The following ARHGEF12 variants were observed in gnomAD, a reference collection of about 807,000 sequenced individuals.
ARHGEF12 encodes KMT2A/ARHGEF12 fusion protein.
In ARHGEF12, 66 loss-of-function variants were observed where a neutral mutation model predicts 211.2. The observed-to-expected ratio is 0.31, with a 90% CI of 0.26 to 0.38. The LOEUF is 0.38. Ranked by LOEUF, ARHGEF12 falls within the 10% of genes least tolerant of loss-of-function variation. The pLI is 1.00. For missense variants in ARHGEF12, 1,429 were observed against 1,869.5 expected, an observed-to-expected ratio of 0.76 and a Z score of 4.34; for synonymous variants, 592 against 638.4, an observed-to-expected ratio of 0.93 and a Z score of 1.09.
At chr11:120,420,426 T>G (rs1043932250) in intron 4 of ARHGEF12, among the ~76,000 whole-genome samples, 1 of 152,220 alleles carries the variant, frequency 6.6e-6, no homozygotes, top group Non-Finnish European at 1.5e-5. Flanking sequence ...ATTTTTTTAC[T>G]ACAGAGAAAT....
chr11:120,392,728 G>T (rs1040141298), intron 1 of ARHGEF12, among the ~76,000 whole-genome samples: 1 of 152,152 alleles, frequency 6.6e-6, no homozygotes, highest in Non-Finnish European at 1.5e-5. Context: ...AGATGAATGC[G>T]AAGTAGCTGT....
rs1021789466 is a variant in ARHGEF12 at position 120,410,618 on chromosome 11, T to TA, written c.199+1169dup. ...GCCCATATCAGATACTTTTTAGTAT[T>TA]ATGAAAGCTCAGTGTTTGGTTCTAA... On this transcript the variant is annotated intron_variant, in intron 4 of 40. Transcript: ENST00000397843. 9.2e-5 allele frequency: 14 copies of TA among 152,314 alleles called. No individual in the cohort carries two copies. In the East Asian group the frequency reaches 2.5e-3, roughly 27 times the overall value. 9.4% of individuals were successfully genotyped at this position (152,314 alleles called of 1,614,324 possible). A position where few individuals can be genotyped will look rare whatever the true frequency, so the allele number is the denominator to read the frequency against.
In ARHGEF12 at chr11:120,437,294, G is replaced by GT. The variant is rs765795751; in HGVS notation, c.925-7dup. 1,191 of 1,586,642 alleles carry GT rather than the reference G, an allele frequency of 7.5e-4. 2 individuals carry two copies. The highest frequency in any genetic ancestry group is 9.9e-4 in the Non-Finnish European group (1,151 of 1,165,860). Reference sequence around the variant, plus strand: ...CCTATTGAAATGAACTGAAGATCTTGTTTTTTTCATTAGAGTCCCAAGAGT... The same window carrying GT: ...CCTATTGAAATGAACTGAAGATCTTGTTTTTTTTCATTAGAGTCCCAAGAGT... On this transcript the variant is annotated splice_polypyrimidine_tract_variant and intron_variant, in intron 11 of 40. Coordinates refer to ENST00000397843, the MANE Select transcript of ARHGEF12 (RefSeq NM_015313.3).
intron 1 of ARHGEF12, among the ~76,000 whole-genome samples, chr11:120,365,295 C>A (rs951033642): frequency 1.3e-5 from 2 of 151,872 alleles, no homozygotes; most frequent in African/African-American, 2.4e-5. Context: ...GGTAACTGTG[C>A]TGGTAAGCTG....
intron 27 of ARHGEF12, chr11:120,462,559 G>T (rs934925913): frequency 1.3e-5 from 2 of 152,136 alleles, no homozygotes; most frequent in Non-Finnish European, 2.9e-5. Flanking sequence ...GTAAAAAATG[G>T]AGTATCTGCA....
intron 1 of ARHGEF12, among the ~76,000 whole-genome samples, chr11:120,378,479 A>C (rs1943791910): frequency 2.6e-5 from 4 of 152,112 alleles, no homozygotes; most frequent in Admixed American, 2.0e-4. Context: ...TAAGTTATTA[A>C]TTTTGATGAA....
chr11:120,459,149 C>A, intron 25 of ARHGEF12, 25 bp from the exon 26 acceptor site: 2 of 1,567,854 alleles, frequency 1.3e-6, no homozygotes, highest in Non-Finnish European at 1.7e-6. Context: ...AGTAAGGCAA[C>A]ATTTCATATC....
intron 7 of ARHGEF12, among the ~76,000 whole-genome samples, chr11:120,425,532 C>T (rs1945318187): frequency 6.6e-6 from 1 of 151,540 alleles, no homozygotes; most frequent in Non-Finnish European, 1.5e-5. Flanking sequence ...TGTCAAACTC[C>T]TGGGCTCACC....
chr11:120,337,347 A>G, intron 1 of ARHGEF12, 72 bp downstream of exon 1: 1 of 1,608,752 alleles, frequency 6.2e-7, no homozygotes, highest in Non-Finnish European at 8.5e-7. Context: ...CGGTGATTGC[A>G]GATTGCCTTT....
chr11:120,467,813 G>T (rs989323064), intron 29 of ARHGEF12, among the ~76,000 whole-genome samples: 6 of 151,988 alleles, frequency 3.9e-5, no homozygotes, highest in Non-Finnish European at 7.4e-5. Flanking sequence ...TTTAGTACGG[G>T]GTATATCAAA....
intron 36 of ARHGEF12, among the ~76,000 whole-genome samples, chr11:120,477,799 G>A (rs755827480): frequency 2.7e-5 from 4 of 150,834 alleles, no homozygotes; most frequent in Non-Finnish European, 5.9e-5. Context: ...CCCAGGAGGC[G>A]GAGGTTACGG....
chr11:120,419,465 G>GT (rs11432748), intron 4 of ARHGEF12, among the ~76,000 whole-genome samples: 63,157 of 149,986 alleles, frequency 0.42, 13,453 homozygotes, highest in African/African-American at 0.48. Flanking sequence ...ATTTCCTTTT[G>GT]TGTTATCTTA....
intron 1 of ARHGEF12, among the ~76,000 whole-genome samples, chr11:120,370,434 A>C (rs954137381): frequency 6.6e-6 from 1 of 152,080 alleles, no homozygotes; most frequent in Non-Finnish European, 1.5e-5. Flanking sequence ...TCTTCTTCAA[A>C]ATTTTCATCG....
intron 25 of ARHGEF12, 72 bp downstream of exon 25, chr11:120,458,306 C>G (rs373815193): frequency 6.4e-7 from 1 of 1,565,788 alleles, no homozygotes; most frequent in Non-Finnish European, 8.7e-7. Context: ...GTCTCTCAGC[C>G]TTGGAGTTTG....
chr11:120,405,793 A>G (rs114220168), intron 1 of ARHGEF12: 2,103 of 200,100 alleles, frequency 0.011, 53 homozygotes, highest in African/African-American at 0.046. Context: ...ATTAAACGAG[A>G]TAATACATGT....
rs192322114 is a variant in ARHGEF12 at position 120,480,850 on chromosome 11, G to A, written c.4238-410G>A. 7.9e-5 allele frequency among the ~76,000 whole-genome samples: 12 copies of A among 152,276 alleles called. 1 individual carries two copies. The highest frequency in any genetic ancestry group is 4.1e-4 in the South Asian group (2 of 4,826). ...CTCAATGAAATGAGGGAATAAAGCCGGGTGGGTACCTGGGAGCTTACTATT... is the reference window on the plus strand; with the variant it reads ...CTCAATGAAATGAGGGAATAAAGCCAGGTGGGTACCTGGGAGCTTACTATT... On this transcript the variant is annotated intron_variant, in intron 38 of 40. Coordinates refer to ENST00000397843, the MANE Select transcript of ARHGEF12 (RefSeq NM_015313.3).
chr11:120,467,991 T>C (rs1202508392), intron 29 of ARHGEF12, among the ~76,000 whole-genome samples: 2 of 152,216 alleles, frequency 1.3e-5, no homozygotes, highest in African/African-American at 4.8e-5. Flanking sequence ...AGTGTAAAAT[T>C]ATCTGGTTCA....
chr11:120,374,376 ATTTTTATTTAAGCACCT>A (rs1943668925), intron 1 of ARHGEF12, among the ~76,000 whole-genome samples: 1 of 152,176 alleles, frequency 6.6e-6, no homozygotes, highest in African/African-American at 2.4e-5. Context: ...ACGTTCATTC[ATTTTTATTTAAGCACCT>A]ATAAAAAGTA....
chr11:120,405,015 A>T (rs1352605996), intron 1 of ARHGEF12, among the ~76,000 whole-genome samples: 1 of 152,120 alleles, frequency 6.6e-6, no homozygotes, highest in Non-Finnish European at 1.5e-5. Flanking sequence ...GCTATCACTG[A>T]TTAGGAAAGG....
Sources: allele counts gnomAD v4.1 joint callset (sites outside exome capture counted in the v4.1 genomes callset), GRCh38; gene constraint gnomAD v4.1.1; transcripts MANE v1.5; gene names NCBI Gene and HGNC (gene_info 2026-07-23, HGNC 2026-07-21).